Variants in ZNF470 observed in about 807,000 individuals in gnomAD.
The protein encoded by ZNF470 is chondrogenesis zinc finger protein 1.
In ZNF470, 13 loss-of-function variants were observed where a neutral mutation model predicts 13.9. The ratio of observed to expected loss-of-function variants is 0.94; its 90% CI spans 0.61 to 1.49. The LOEUF (loss-of-function observed/expected upper bound fraction) is 1.49, where lower values mean the gene tolerates loss of function less well. Ranked by LOEUF, ZNF470 falls within the 40% of genes most tolerant of loss-of-function variation. The probability of loss-of-function intolerance (pLI) is 0.00; values close to 1 mark genes in which losing one functional copy is unlikely to be tolerated. For synonymous variants in ZNF470, 293 were observed against 282.9 expected (o/e 1.04, Z -0.36); for missense variants, 929 against 857.3 (o/e 1.08, Z -1.04).
Position 56,577,688 on chromosome 19 carries a change from C to G in ZNF470, c.1259C>G (p.Thr420Ser). The G allele has an allele frequency of 6.2e-7, 1 of 1,611,178 alleles. No individual in the cohort carries two copies. The highest frequency in any genetic ancestry group is 2.2e-5 in the East Asian group (1 of 44,824). Residue 420 changes from threonine (T) to serine (S), a missense_variant, in exon 6 of 6, where the codon ACT becomes AGT. Thr to Ser is a moderately conservative substitution (Grantham distance 58). Transcript: ENST00000330619. ...CTTATTCAGCATAAGAGAACTCATA[C>G]TGGAGAGAGACCTTACAAATGTAAT... Reference protein sequence around the residue: ...IGLIQHKRTHTGERPYKCNVC... With the variant: ...IGLIQHKRTHSGERPYKCNVC...
Position 56,576,842 on chromosome 19 carries a change from A to T in ZNF470, c.413A>T (p.Asn138Ile). Residue 138 changes from asparagine to isoleucine, a missense_variant, in exon 6 of 6, where the codon AAC becomes ATC. Transcript: ENST00000330619. ...CTTGAATGTTCAACATTAGGGAAAAACTGGAAATGTGAAGACTTGTTTGAG... is the reference window on the plus strand; with the variant it reads ...CTTGAATGTTCAACATTAGGGAAAATCTGGAAATGTGAAGACTTGTTTGAG... Reference protein sequence around the residue: ...YDLECSTLGKNWKCEDLFERE... With the variant: ...YDLECSTLGKIWKCEDLFERE... 1 of 1,591,928 alleles carries T rather than the reference A, an allele frequency of 6.3e-7. No individual in the cohort carries two copies. The highest frequency in any genetic ancestry group is 8.5e-7 in the Non-Finnish European group (1 of 1,173,742).
intron 5 of ZNF470, among the ~76,000 whole-genome samples, chr19:56,575,894 CA>C (rs2044485395): frequency 6.6e-6 from 1 of 151,964 alleles, no homozygotes; most frequent in African/African-American, 2.4e-5. Context: ...AGAAAAAGAA[CA>C]AAATGAATTT....
chr19:56,572,875 G>A (rs2044465260), intron 3 of ZNF470, among the ~76,000 whole-genome samples: 1 of 152,192 alleles, frequency 6.6e-6, no homozygotes, highest in Non-Finnish European at 1.5e-5. Context: ...AATTCTGCAA[G>A]AATCACTAAA....
In ZNF470 at chr19:56,574,433, C is replaced by T; in HGVS notation, c.100C>T (p.Gln34Ter). Residue 34 changes from glutamine to a stop codon, truncating the protein, a stop_gained, in exon 4 of 6, where the codon CAA (glutamine) becomes TAA (stop). Transcript: ENST00000330619. LOFTEE classifies it high-confidence loss of function. Reference sequence around the variant, plus strand: ...CACAGATGTGGCCATAGACTTTTCCCAAGATGAATGGGAGTGGCTGAATCT... The same window carrying T: ...CACAGATGTGGCCATAGACTTTTCCTAAGATGAATGGGAGTGGCTGAATCT... ...TFTDVAIDFS[Q>*]DEWEWLNLAQ... The T allele has an allele frequency of 6.2e-7, 1 of 1,613,820 alleles. No homozygotes were observed. Among genetic ancestry groups the T allele is most frequent in the Non-Finnish European group, 8.5e-7 (1 of 1,179,782 alleles).
Position 56,577,801 on chromosome 19 carries a change from T to G in ZNF470, c.1372T>G (p.Cys458Gly). The change falls in exon 6 of 6, where the codon TGT becomes GGT. Residue 458 changes from cysteine (C) to glycine (G), a missense_variant. Coordinates refer to ENST00000330619, the MANE Select transcript of ZNF470 (RefSeq NM_001001668.4). ...AGAGAAACCTTATGAATGCAATATC[T>G]GTGAGAAAGCCTTCAGCCATCGTGG... Reference protein sequence around the residue: ...TGEKPYECNICEKAFSHRGSL... With the variant: ...TGEKPYECNIGEKAFSHRGSL... 1 of 1,613,956 alleles carries G rather than the reference T, an allele frequency of 6.2e-7. No individual in the cohort carries two copies.
chr19:56,567,908 A>G lies in ZNF470; in HGVS notation c.-289A>G. On this transcript the variant is annotated 5_prime_UTR_variant, in exon 1 of 6. Transcript: ENST00000330619. ...GTGGGCAAAGTCCTAGAGCCCGGGG[A>G]AGTTGCCCGGGCGGGGCAGCCTCGG... The G allele has an allele frequency of 1.0e-6, 1 of 983,064 alleles. No individual in the cohort carries two copies. The highest frequency in any genetic ancestry group is 1.2e-6 in the Non-Finnish European group (1 of 829,430). The allele number at this position is 983,064 out of a possible 1,614,324, so 60.9% of individuals were successfully genotyped here.
Position 56,567,864 on chromosome 19 carries a change from C to T in ZNF470, c.-333C>T. On this transcript the variant is annotated 5_prime_UTR_variant, in exon 1 of 6. Coordinates refer to ENST00000330619, the MANE Select transcript of ZNF470 (RefSeq NM_001001668.4). ...AGGCTTACCCCGTTCTCCCCTGTAT[C>T]GACTGCGTAGAGCCCAGTGTGGGCA... 7.1e-6 allele frequency: 7 copies of T among 985,772 alleles called. No homozygotes were observed. The highest frequency in any genetic ancestry group is 1.1e-4 in the East Asian group (1 of 8,788). 61.1% of individuals were successfully genotyped at this position (985,772 alleles called of 1,614,324 possible). A position where few individuals can be genotyped will look rare whatever the true frequency, so the allele number is the denominator to read the frequency against.
intron 3 of ZNF470, among the ~76,000 whole-genome samples, chr19:56,573,630 T>C (rs2044469744): frequency 6.6e-6 from 1 of 152,192 alleles, no homozygotes; most frequent in Admixed American, 6.5e-5. Context: ...TTTCTCCTGA[T>C]AATTTCCCAT....
rs935965048 is a variant in ZNF470 at position 56,577,396 on chromosome 19, C to A, written c.967C>A (p.Gln323Lys). Residue 323 changes from glutamine to lysine, a missense_variant, in exon 6 of 6, where the codon CAG (glutamine) becomes AAG (lysine). Transcript: ENST00000330619. ...TAAGCAGTGTAATAAAGCATTCAGC[C>A]AGCTTGCACACCTTGCTCAACATCA... ...QCKQCNKAFSQLAHLAQHQRV... is the reference protein window; with the variant it reads ...QCKQCNKAFSKLAHLAQHQRV... The A allele has an allele frequency of 6.2e-7, 1 of 1,613,572 alleles. No homozygotes were observed. Among genetic ancestry groups the A allele is most frequent in the African/African-American group, 1.3e-5 (1 of 74,846 alleles).
In ZNF470 at chr19:56,574,384, G is replaced by T; in HGVS notation, c.61-10G>T. ...ACTGAGTGAGCAAGATCATATTTGT[G>T]TCATTTTAGGGTTCAGTGACTTTCA... is the stretch of plus-strand genomic sequence containing the variant. On this transcript the variant is annotated splice_polypyrimidine_tract_variant and intron_variant, in intron 3 of 5. Transcript: ENST00000330619. 1 of 1,613,542 alleles carries T rather than the reference G, an allele frequency of 6.2e-7. No individual in the cohort carries two copies. The highest frequency in any genetic ancestry group is 8.5e-7 in the Non-Finnish European group (1 of 1,179,578).
At position 56,582,750 on chromosome 19, in the gene ZNF470, A is replaced by T. The variant is rs56296230; in HGVS notation, c.*4167A>T. The T allele has an allele frequency of 0.077, 14,871 of 193,644 alleles. 616 individuals are homozygous for T. Among genetic ancestry groups the T allele is most frequent in the African/African-American group, 0.1 (4,351 of 42,264 alleles). 12.0% of individuals were successfully genotyped at this position (193,644 alleles called of 1,614,324 possible). ...TTGTCTCTCCACATGTGCACAGAGG[A>T]AATGCTGTGTAAGGACACAACAAGA... On this transcript the variant is annotated 3_prime_UTR_variant, in exon 6 of 6. Transcript: ENST00000330619.
chr19:56,572,337 C>A, intron 3 of ZNF470, among the ~76,000 whole-genome samples: 1 of 19,364 alleles, frequency 5.2e-5, no homozygotes, highest in Non-Finnish European at 7.4e-5. Context: ...AACCCTGTCT[C>A]TACAAAAAAA....
chr19:56,569,580 C>G (rs552646545), intron 2 of ZNF470, among the ~76,000 whole-genome samples: 6 of 152,268 alleles, frequency 3.9e-5, no homozygotes, highest in Non-Finnish European at 7.4e-5. Context: ...CCAGAGCTTT[C>G]TTGTGTAAAA....
chr19:56,581,405 C>T lies in ZNF470; in HGVS notation c.*2822C>T. On this transcript the variant is annotated 3_prime_UTR_variant, in exon 6 of 6. Transcript: ENST00000330619. ...ACATATCTATTGCTTTATGTATATA[C>T]CCTTTGAATTAATATTCCTTGGAAA... 2 of 968,600 alleles carry T rather than the reference C, an allele frequency of 2.1e-6. No individual in the cohort carries two copies. Among genetic ancestry groups the T allele is most frequent in the Non-Finnish European group, 2.5e-6 (2 of 814,776 alleles). The allele number at this position is 968,600 out of a possible 1,614,324, so 60.0% of individuals were successfully genotyped here.
At position 56,577,040 on chromosome 19, in the gene ZNF470, C is replaced by T. The variant is rs1363299791; in HGVS notation, c.611C>T (p.Thr204Ile). The part of the protein sequence containing the change: ...PMEERIFNFH[T>I]DKKSLKTHSV... ...GAAGAGAGAATATTTAATTTTCATACAGATAAGAAAAGCTTAAAAACACAT... is the reference window on the plus strand; with the variant it reads ...GAAGAGAGAATATTTAATTTTCATATAGATAAGAAAAGCTTAAAAACACAT... Residue 204 changes from threonine (T) to isoleucine (I), a missense_variant, in exon 6 of 6, where the codon ACA becomes ATA. Transcript: ENST00000330619. 10 of 1,582,048 alleles carry T rather than the reference C, an allele frequency of 6.3e-6. No individual in the cohort carries two copies. The highest frequency in any genetic ancestry group is 8.6e-6 in the Non-Finnish European group (10 of 1,169,158).
chr19:56,571,008 C>T (rs1034306622), intron 3 of ZNF470, among the ~76,000 whole-genome samples: 1 of 152,202 alleles, frequency 6.6e-6, no homozygotes, highest in Admixed American at 6.5e-5. Context: ...CTGCACCATC[C>T]TACTCACTGC....
At position 56,568,048 on chromosome 19, in the gene ZNF470, A is replaced by C; in HGVS notation, c.-159+10A>C. 1 of 985,782 alleles carries C rather than the reference A, an allele frequency of 1.0e-6. No homozygotes were observed. Among genetic ancestry groups the C allele is most frequent in the Non-Finnish European group, 1.2e-6 (1 of 830,162 alleles). The allele number at this position is 985,782 out of a possible 1,614,324, so 61.1% of individuals were successfully genotyped here. A position where few individuals can be genotyped will look rare whatever the true frequency, so the allele number is the denominator to read the frequency against. On this transcript the variant is annotated intron_variant, in intron 1 of 5. Coordinates refer to ENST00000330619, the MANE Select transcript of ZNF470 (RefSeq NM_001001668.4). ...GGGACTGAGTACACAGGTAAGAGTG[A>C]CAGATGACGGATGTGGCTGCCGGAG...
Position 56,579,864 on chromosome 19 carries a change from C to A in ZNF470, c.*1281C>A. 1.8e-6 allele frequency: 1 copy of A among 560,256 alleles called. No individual in the cohort carries two copies. The highest frequency in any genetic ancestry group is 2.3e-6 in the Non-Finnish European group (1 of 442,086). 34.7% of individuals were successfully genotyped at this position (560,256 alleles called of 1,614,324 possible). On this transcript the variant is annotated 3_prime_UTR_variant, in exon 6 of 6. Transcript: ENST00000330619. ...TTTCCATATTTTTTTAGTTGAGAAGCTGATTCTGATCATCTGTAGAATTTT... is the reference window on the plus strand; with the variant it reads ...TTTCCATATTTTTTTAGTTGAGAAGATGATTCTGATCATCTGTAGAATTTT...
rs748566896 is a variant in ZNF470, at chr19:56,567,650, G to A, written c.-547G>A. 10 of 988,220 alleles carry A rather than the reference G, an allele frequency of 1.0e-5. No homozygotes were observed. The highest frequency in any genetic ancestry group is 4.7e-5 in the South Asian group (1 of 21,480). 61.2% of individuals were successfully genotyped at this position (988,220 alleles called of 1,614,324 possible). A position where few individuals can be genotyped will look rare whatever the true frequency, so the allele number is the denominator to read the frequency against. ...GCCTGGTGGCTGTGAGTGCCCATAC[G>A]TGGTGAGCGTGCGGTGCTGTGCTGA... On this transcript the variant is annotated 5_prime_UTR_variant, in exon 1 of 6. The change creates a new upstream start codon in the 5' untranslated region. Coordinates refer to ENST00000330619, the MANE Select transcript of ZNF470 (RefSeq NM_001001668.4).
Sources: allele counts gnomAD v4.1 joint callset (sites outside exome capture counted in the v4.1 genomes callset), GRCh38; gene constraint gnomAD v4.1.1; transcripts MANE v1.5; gene names NCBI Gene and HGNC (gene_info 2026-07-23, HGNC 2026-07-21).